Variants in SYNPR observed in about 807,000 individuals in gnomAD.
SYNPR encodes the protein synaptoporin.
A neutral mutation model predicts 32.9 loss-of-function variants in SYNPR; 23 were observed. The ratio of observed to expected loss-of-function variants is 0.70; its 90% CI spans 0.50 to 0.99. The LOEUF is 0.99. SYNPR is among the 50% of genes least tolerant of loss of function. The pLI is 0.00. For missense variants in SYNPR, 318 were observed against 349.3 expected, an observed-to-expected ratio of 0.91 and a Z score of 0.71; for synonymous variants, 146 against 135.9, an observed-to-expected ratio of 1.07 and a Z score of -0.52.
chr3:63,439,870 T>C (rs1488676000), intron 2 of SYNPR, among the ~76,000 whole-genome samples: 1 of 152,196 alleles, frequency 6.6e-6, no homozygotes, highest in African/African-American at 2.4e-5. Context: ...GTTCTCAAGT[T>C]GATTCACTGA....
At chr3:63,589,692 A>G (rs1315460319) in intron 4 of SYNPR, among the ~76,000 whole-genome samples, 1 of 150,342 alleles carries the variant, frequency 6.7e-6, no homozygotes, top group Admixed American at 6.7e-5. Context: ...TAAACGAGCC[A>G]AAGACAAAAA....
At chr3:63,362,017 T>C (rs79138183) in intron 2 of SYNPR, among the ~76,000 whole-genome samples, 1,928 of 152,340 alleles carry the variant, frequency 0.013, 29 homozygotes, top group South Asian at 0.053. Flanking sequence ...CCTTTGGTTT[T>C]AGGTGTAGCC....
intron 4 of SYNPR, among the ~76,000 whole-genome samples, chr3:63,562,628 A>T (rs1274260088): frequency 6.6e-6 from 1 of 152,186 alleles, no homozygotes; most frequent in South Asian, 2.1e-4. Context: ...TAGCCTCAAA[A>T]CAATCCTGGG....
intron 2 of SYNPR, among the ~76,000 whole-genome samples, chr3:63,362,833 C>A (rs1371599782): frequency 6.6e-6 from 1 of 152,164 alleles, no homozygotes; most frequent in Non-Finnish European, 1.5e-5. Context: ...AAAATCTGTT[C>A]CTTTTAGTAC....
intron 3 of SYNPR, among the ~76,000 whole-genome samples, chr3:63,532,825 T>A (rs1171549680): frequency 8.5e-5 from 13 of 152,204 alleles, no homozygotes; most frequent in Admixed American, 8.5e-4. Flanking sequence ...CATTGCCCAA[T>A]GAAATTGTAA....
chr3:63,251,428 TG>T (rs2086330167), intron 1 of SYNPR, among the ~76,000 whole-genome samples: 1 of 151,390 alleles, frequency 6.6e-6, no homozygotes, highest in Non-Finnish European at 1.5e-5. Flanking sequence ...GGTTCAAGAG[TG>T]GGAGGTAATG....
At chr3:63,606,502 GCTCACTGCAACTTCAAACT>G (rs1282332018) in intron 4 of SYNPR, among the ~76,000 whole-genome samples, 1 of 138,168 alleles carries the variant, frequency 7.2e-6, no homozygotes, top group Non-Finnish European at 1.5e-5. Context: ...TGCAATCATA[GCTCACTGCAACTTCAAACT>G]CCTGGGATCA....
chr3:63,517,818 G>A (rs1006123646), intron 3 of SYNPR, among the ~76,000 whole-genome samples: 1 of 152,144 alleles, frequency 6.6e-6, no homozygotes. Context: ...TAGTGTACCT[G>A]ACCCCAAAGC....
At chr3:63,329,119 G>T (rs551252132) in intron 2 of SYNPR, among the ~76,000 whole-genome samples, 1 of 152,036 alleles carries the variant, frequency 6.6e-6, no homozygotes, top group East Asian at 1.9e-4. Flanking sequence ...GTAAACAAAT[G>T]AAAGAATTTG....
chr3:63,599,384 A>T (rs1448414206), intron 4 of SYNPR, among the ~76,000 whole-genome samples: 1 of 152,102 alleles, frequency 6.6e-6, no homozygotes, highest in Non-Finnish European at 1.5e-5. Flanking sequence ...ACTATTTTTT[A>T]TCCTTTATAC....
intron 1 of SYNPR, among the ~76,000 whole-genome samples, chr3:63,233,203 A>G (rs2086178410): frequency 6.6e-6 from 1 of 152,218 alleles, no homozygotes. Flanking sequence ...AAATATCTGT[A>G]TGGTTAACAG....
At chr3:63,207,028 G>C in the SYNPR span, among the ~76,000 whole-genome samples, 1 of 152,224 alleles carries the variant, frequency 6.6e-6, no homozygotes, top group Non-Finnish European at 1.5e-5. Context: ...GGCTCTCAGG[G>C]AGAAGGAGAG....
At chr3:63,598,622 C>T (rs7641142) in intron 4 of SYNPR, among the ~76,000 whole-genome samples, 70,653 of 151,954 alleles carry the variant, frequency 0.46, 18,456 homozygotes, top group African/African-American at 0.72. Flanking sequence ...CTTAATACTC[C>T]TGGCCGCAGT....
At chr3:63,584,185 G>A (rs1352070587) in intron 4 of SYNPR, among the ~76,000 whole-genome samples, 2 of 152,100 alleles carry the variant, frequency 1.3e-5, no homozygotes, top group African/African-American at 4.8e-5. Context: ...CAGGAGAGCA[G>A]CCTTAAGGAG....
chr3:63,505,171 T>C (rs1035503272), intron 3 of SYNPR, among the ~76,000 whole-genome samples: 1 of 152,142 alleles, frequency 6.6e-6, no homozygotes, highest in Non-Finnish European at 1.5e-5. Context: ...ACAATGAAAG[T>C]CTCACTTATA....
intron 2 of SYNPR, among the ~76,000 whole-genome samples, chr3:63,384,242 A>G (rs1170965072): frequency 1.3e-5 from 2 of 152,250 alleles, no homozygotes; most frequent in Admixed American, 1.3e-4. Context: ...CTATGAAGGC[A>G]GGGCTTAAAT....
intron 2 of SYNPR, among the ~76,000 whole-genome samples, chr3:63,388,556 T>TTGTGTGTGTG (rs749669898): frequency 0.053 from 6,833 of 127,954 alleles, 247 homozygotes; most frequent in East Asian, 0.11. Context: ...CCCGGCTAAT[T>TTGTGTGTGTG]TGTGTGTGTG....
In SYNPR at chr3:63,615,248, C is replaced by A. The variant is rs1025615820; in HGVS notation, c.625C>A (p.Leu209Ile). The change falls in exon 6 of 6, where the codon CTC (leucine) becomes ATC (isoleucine). Residue 209 changes from leucine to isoleucine, a missense_variant. Coordinates refer to ENST00000478300, the MANE Select transcript of SYNPR (RefSeq NM_001130003.2). ...GGTCTTTGGATTCTTGAACTTTATT[C>A]TCTGGGCTGGAAACATATGGTTTGT... is the stretch of plus-strand genomic sequence containing the variant. The part of the protein sequence containing the change: ...SVVFGFLNFI[L>I]WAGNIWFVFK... 6.2e-7 allele frequency: 1 copy of A among 1,613,358 alleles called. No individual in the cohort carries two copies. The highest frequency in any genetic ancestry group is 2.2e-5 in the East Asian group (1 of 44,884).
chr3:63,225,096 G>A (rs1433494159), upstream of SYNPR, among the ~76,000 whole-genome samples: 1 of 152,154 alleles, frequency 6.6e-6, no homozygotes, highest in Non-Finnish European at 1.5e-5. Flanking sequence ...TTCACCTGTG[G>A]GAGCCAGGAC....
Sources: allele counts gnomAD v4.1 joint callset (sites outside exome capture counted in the v4.1 genomes callset), GRCh38; gene constraint gnomAD v4.1.1; transcripts MANE v1.5; gene names NCBI Gene and HGNC (gene_info 2026-07-23, HGNC 2026-07-21).